Variants in ANKHD1 observed in about 807,000 individuals in gnomAD.
ANKHD1 encodes the protein ankyrin repeat and KH domain-containing protein 1.
A neutral mutation model predicts 230.5 loss-of-function variants in ANKHD1; 31 were observed. That is an observed-to-expected ratio of 0.13 (90% CI 0.10 to 0.18). The LOEUF (loss-of-function observed/expected upper bound fraction) is 0.18. Among genes scored for constraint, ANKHD1 ranks in the 10% least tolerant of loss-of-function variants. ANKHD1 has a pLI of 1.00. For missense variants in ANKHD1, 2,256 were observed against 3,071.3 expected, an observed-to-expected ratio of 0.73 and a Z score of 6.27; for synonymous variants, 1,074 against 1,117.6, an observed-to-expected ratio of 0.96 and a Z score of 0.78.
At chr5:140,442,321 G>T (rs908499249) in intron 5 of ANKHD1, among the ~76,000 whole-genome samples, 1 of 152,084 alleles carries the variant, frequency 6.6e-6, no homozygotes, top group Non-Finnish European at 1.5e-5. Context: ...TGGGATTACA[G>T]ATGTGAGCCA....
intron 14 of ANKHD1, 38 bp from the exon 15 acceptor site, chr5:140,496,482 T>TTTTAA: frequency 9.6e-7 from 1 of 1,036,356 alleles, no homozygotes; most frequent in Non-Finnish European, 1.3e-6. Context: ...TTTTTTTTTT[T>TTTTAA]AGCATGGCAC....
chr5:140,478,408 T>TA (rs1441661676), intron 10 of ANKHD1, among the ~76,000 whole-genome samples: 1 of 151,232 alleles, frequency 6.6e-6, no homozygotes, highest in Non-Finnish European at 1.5e-5. Flanking sequence ...ACAATAAACT[T>TA]AAAAGTGAAT....
In ANKHD1 at chr5:140,446,081, C is replaced by A. The variant is rs895463060; in HGVS notation, c.1147+106C>A. 5.3e-6 allele frequency: 6 copies of A among 1,129,574 alleles called. No homozygotes were observed. The African/African-American group carries it at 6.4e-5, about 12-fold the overall frequency. 70.0% of individuals were successfully genotyped at this position (1,129,574 alleles called of 1,614,324 possible). On this transcript the variant is annotated intron_variant, in intron 6 of 33. Transcript: ENST00000360839. ...TTATATTGCTTATGTTTTCCCTGTG[C>A]TATAAAATTATCTAGTTTATAAGAA...
intron 5 of ANKHD1, among the ~76,000 whole-genome samples, 163 bp downstream of exon 5, chr5:140,441,305 A>G (rs1188052416): frequency 1.3e-5 from 2 of 152,178 alleles, no homozygotes; most frequent in Non-Finnish European, 2.9e-5. Flanking sequence ...TGACATCCTC[A>G]AAAGTCTTTA....
At chr5:140,454,453 T>C (rs570814460) in intron 7 of ANKHD1, among the ~76,000 whole-genome samples, 1 of 152,272 alleles carries the variant, frequency 6.6e-6, no homozygotes, top group East Asian at 1.9e-4. Flanking sequence ...ATTGACCACA[T>C]AGTTGGAAGT....
In ANKHD1 at chr5:140,402,213, C is replaced by T. The variant is rs1048183735; in HGVS notation, c.246C>T (p.Ala82=). 3.9e-6 allele frequency: 6 copies of T among 1,523,918 alleles called. No individual in the cohort carries two copies. The Admixed American group carries it at 1.0e-4, about 26-fold the overall frequency. The allele number at this position is 1,523,918 out of a possible 1,614,324, so 94.4% of individuals were successfully genotyped here. The stretch of plus-strand genomic sequence containing the variant: ...CGCTGGATTTCAAGTTGGCGGCTGC[C>T]GTGCTGAGGACCGGGGGTGGAGGTG... ...DAALDFKLAA[A]VLRTGGGGGA... is the part of the protein sequence containing the mutation. Residue 82 remains alanine, a synonymous_variant, in exon 1 of 34, where the codon GCC becomes GCT. Transcript: ENST00000360839.
At chr5:140,520,494 G>T (rs923570091) in intron 24 of ANKHD1, among the ~76,000 whole-genome samples, 8 of 151,932 alleles carry the variant, frequency 5.3e-5, no homozygotes, top group Non-Finnish European at 2.9e-5. Flanking sequence ...GTTTATTGCG[G>T]CATTATTCAC....
chr5:140,475,823 C>T (rs1750935531), intron 10 of ANKHD1, among the ~76,000 whole-genome samples: 2 of 152,110 alleles, frequency 1.3e-5, no homozygotes, highest in Non-Finnish European at 1.5e-5. Context: ...AAACAAAACA[C>T]CTCCCATCAA....
intron 10 of ANKHD1, chr5:140,472,490 A>C (rs754729790): frequency 4.6e-5 from 60 of 1,298,318 alleles, no homozygotes; most frequent in Non-Finnish European, 5.6e-5. Context: ...TTGTTTCCTT[A>C]GTCTTCTTTC....
chr5:140,500,665 A>AAAAAAAAAAAAAG (rs748025095), intron 15 of ANKHD1, among the ~76,000 whole-genome samples: 6 of 115,494 alleles, frequency 5.2e-5, no homozygotes, highest in South Asian at 2.9e-4. Flanking sequence ...AAAAAAAAAA[A>AAAAAAAAAAAAAG]AAAAGAAAAG....
At chr5:140,537,686 C>G in intron 31 of ANKHD1, 97 bp downstream of exon 31, 1 of 1,438,860 alleles carries the variant, frequency 6.9e-7, no homozygotes, top group Non-Finnish European at 9.1e-7. Flanking sequence ...ACAAAAAAAA[C>G]TTAGTTCCTA....
chr5:140,494,251 C>G (rs932229733), intron 14 of ANKHD1, among the ~76,000 whole-genome samples: 2 of 152,122 alleles, frequency 1.3e-5, no homozygotes, highest in African/African-American at 2.4e-5. Flanking sequence ...AACAGGGACT[C>G]CTATATGGTC....
At chr5:140,463,012 A>G (rs1022091009) in intron 9 of ANKHD1, among the ~76,000 whole-genome samples, 2 of 147,428 alleles carry the variant, frequency 1.4e-5, no homozygotes, top group African/African-American at 2.5e-5. Flanking sequence ...TGCCCCGCTA[A>G]TTTTTTTTTT....
intron 1 of ANKHD1, among the ~76,000 whole-genome samples, chr5:140,419,018 A>G (rs1244755413): frequency 6.6e-6 from 1 of 152,260 alleles, no homozygotes; most frequent in Non-Finnish European, 1.5e-5. Flanking sequence ...GGCATGAGCC[A>G]TCATACCTGT....
At position 140,529,496 on chromosome 5, in the gene ANKHD1, A is replaced by T; in HGVS notation, c.6550A>T (p.Asn2184Tyr). Reference protein sequence around the residue: ...PAAVQLSSAVNIMNGSQMHIN... With the variant: ...PAAVQLSSAVYIMNGSQMHIN... ...TGCAGTGCAGCTTTCTTCAGCTGTGAACATTATGAATGGTTCTCAGATGCA... is the reference window on the plus strand; with the variant it reads ...TGCAGTGCAGCTTTCTTCAGCTGTGTACATTATGAATGGTTCTCAGATGCA... Residue 2184 changes from asparagine to tyrosine, a missense_variant, in exon 29 of 34, where the codon AAC becomes TAC. This residue lies in a region of ANKHD1 where 778 missense variants were observed against 966.5 expected (regional missense o/e 0.80). Coordinates refer to ENST00000360839, the MANE Select transcript of ANKHD1 (RefSeq NM_017747.3). The T allele has an allele frequency of 6.2e-7, 1 of 1,614,232 alleles. No homozygotes were observed. The highest frequency in any genetic ancestry group is 8.5e-7 in the Non-Finnish European group (1 of 1,180,028).
chr5:140,463,585 C>A (rs1561762593), intron 9 of ANKHD1, among the ~76,000 whole-genome samples: 1 of 152,104 alleles, frequency 6.6e-6, no homozygotes, highest in Non-Finnish European at 1.5e-5. Flanking sequence ...ATCAGGAATT[C>A]ATTGGTCACC....
chr5:140,509,121 G>A (rs1368544294), intron 20 of ANKHD1, among the ~76,000 whole-genome samples: 2 of 152,114 alleles, frequency 1.3e-5, no homozygotes, highest in Admixed American at 1.3e-4. Context: ...AAAGAGAAAT[G>A]AGTCTTTCCT....
Position 140,507,094 on chromosome 5 carries a change from A to G in ANKHD1, c.3551+117A>G, listed in dbSNP as rs1057112295. On this transcript the variant is annotated intron_variant, in intron 19 of 33. Coordinates refer to ENST00000360839, the MANE Select transcript of ANKHD1 (RefSeq NM_017747.3). The surrounding 1 kb of genome is among the most constrained non-coding windows in gnomAD (Gnocchi z 4.1). ...AATTAAGATAGTACTAAAGTTGCAA[A>G]GCCAACGATTATACCTATAATGTGT... 2.0e-5 allele frequency: 28 copies of G among 1,427,590 alleles called. No homozygotes were observed. The highest frequency in any genetic ancestry group is 2.4e-5 in the Admixed American group (1 of 42,266). The allele number at this position is 1,427,590 out of a possible 1,614,324, so 88.4% of individuals were successfully genotyped here. A position where few individuals can be genotyped will look rare whatever the true frequency, so the allele number is the denominator to read the frequency against.
Position 140,402,301 on chromosome 5 carries a change from C to T in ANKHD1, c.306+28C>T, listed in dbSNP as rs553385809. The T allele has an allele frequency of 4.8e-6, 7 of 1,447,198 alleles. No individual in the cohort carries two copies. The East Asian group carries it at 1.1e-4, about 23-fold the overall frequency. 89.6% of individuals were successfully genotyped at this position (1,447,198 alleles called of 1,614,324 possible). A position where few individuals can be genotyped will look rare whatever the true frequency, so the allele number is the denominator to read the frequency against. ...AAGGCTCCGGGACCCTCGCCTCCCA[C>T]ACATTGTGAGGCGTGAATTCTCTTT... On this transcript the variant is annotated intron_variant, in intron 1 of 33. Transcript: ENST00000360839.
Sources: allele counts gnomAD v4.1 joint callset (sites outside exome capture counted in the v4.1 genomes callset), GRCh38; gene constraint gnomAD v4.1.1; regional missense constraint gnomAD v4.1.1; non-coding constraint Gnocchi (gnomAD v3.1); transcripts MANE v1.5; gene names NCBI Gene and HGNC (gene_info 2026-07-23, HGNC 2026-07-21).